The following WRN variants were observed in gnomAD, a reference collection of about 807,000 sequenced individuals.
The protein encoded by WRN is bifunctional 3'-5' exonuclease/ATP-dependent helicase WRN.
A neutral mutation model predicts 180.7 loss-of-function variants in WRN; 149 were observed. The ratio of observed to expected loss-of-function variants is 0.82; its 90% CI spans 0.72 to 0.94. The LOEUF is 0.94. Ranked by LOEUF, WRN falls within the 40% of genes least tolerant of loss-of-function variation. The pLI is 0.00. For synonymous variants in WRN, 548 were observed against 568.9 expected (o/e 0.96, Z 0.52); for missense variants, 1,661 against 1,700.1 (o/e 0.98, Z 0.40).
intron 7 of WRN, among the ~76,000 whole-genome samples, chr8:31,069,166 G>C (rs1024678915): frequency 1.3e-5 from 2 of 152,236 alleles, no homozygotes; most frequent in Non-Finnish European, 2.9e-5. Flanking sequence ...TTGTTAAGAT[G>C]TTAATTAAAT....
At position 31,141,715 on chromosome 8, in the gene WRN, C is replaced by T. The variant is rs147294573; in HGVS notation, c.3173C>T (p.Ser1058Phe). 2.5e-6 allele frequency: 4 copies of T among 1,614,160 alleles called. No homozygotes were observed. Among genetic ancestry groups the T allele is most frequent in the South Asian group, 2.2e-5 (2 of 91,082 alleles). Residue 1058 changes from serine (S) to phenylalanine (F), a missense_variant, in exon 26 of 35, where the codon TCT becomes TTT. Physicochemically the swap from Ser to Phe is radical, Grantham distance 155. Around this residue, in one of 3 missense-constraint regions of WRN, gnomAD observed 1,141 missense variants for 1,149.4 expected, o/e 0.99. Coordinates refer to ENST00000298139, the MANE Select transcript of WRN (RefSeq NM_000553.6). The part of the protein sequence containing the change: ...RNWLHKANTE[S>F]QSLILQANEE... The stretch of plus-strand genomic sequence containing the variant: ...TGGCTTCATAAAGCTAATACAGAAT[C>T]TCAGAGCCTCATCCTTCAAGCTAAT...
chr8:31,077,730 A>G (rs935876838), intron 8 of WRN, among the ~76,000 whole-genome samples: 1 of 152,232 alleles, frequency 6.6e-6, no homozygotes, highest in African/African-American at 2.4e-5. Flanking sequence ...TTGCTTCATA[A>G]TATCTGTTGA....
chr8:31,070,899 A>C (rs2130069108), intron 7 of WRN, among the ~76,000 whole-genome samples: 1 of 152,220 alleles, frequency 6.6e-6, no homozygotes, highest in East Asian at 1.9e-4. Context: ...ACAAAAAATT[A>C]GCTGAGTGTG....
chr8:31,124,210 T>C (rs904785786), intron 21 of WRN, among the ~76,000 whole-genome samples: 5 of 152,196 alleles, frequency 3.3e-5, no homozygotes, highest in South Asian at 4.1e-4. Context: ...GTGTGACATG[T>C]AAATTGAAAT....
chr8:31,109,140 C>T (rs964644059), intron 18 of WRN, among the ~76,000 whole-genome samples: 1 of 152,182 alleles, frequency 6.6e-6, no homozygotes, highest in Non-Finnish European at 1.5e-5. Flanking sequence ...GTAGTGTGGT[C>T]TATTCCCAGA....
Position 31,091,913 on chromosome 8 carries a change from T to TC in WRN, c.1898+18dup. On this transcript the variant is annotated intron_variant, in intron 16 of 34. Transcript: ENST00000298139. ...GATATTAAATTGTGAGTAATTTTTT[T>TC]CCCTCAACTTTTATTTTGGATTTAT... The TC allele has an allele frequency of 1.2e-6, 2 of 1,612,022 alleles. No individual in the cohort carries two copies. Among genetic ancestry groups the TC allele is most frequent in the Non-Finnish European group, 1.7e-6 (2 of 1,178,546 alleles).
At chr8:31,109,791 C>T (rs893092771) in intron 18 of WRN, among the ~76,000 whole-genome samples, 1 of 152,124 alleles carries the variant, frequency 6.6e-6, no homozygotes. Context: ...AGCTCAAAAT[C>T]TCACATCTAG....
chr8:31,130,791 A>G (rs1166110851), intron 23 of WRN, among the ~76,000 whole-genome samples: 3 of 152,260 alleles, frequency 2.0e-5, no homozygotes, highest in Admixed American at 6.5e-5. Flanking sequence ...TGGTTTTACA[A>G]TGATAAATGA....
intron 24 of WRN, among the ~76,000 whole-genome samples, chr8:31,137,215 A>G (rs1259145910): frequency 6.6e-6 from 1 of 152,146 alleles, no homozygotes. Context: ...AATTTATTCA[A>G]ATAGTACACA....
chr8:31,044,342 C>CTTTTTTTTTT (rs34518426), intron 1 of WRN, among the ~76,000 whole-genome samples: 2 of 68,314 alleles, frequency 2.9e-5, no homozygotes, highest in African/African-American at 5.4e-5. Context: ...GCCCGACCTT[C>CTTTTTTTTTT]TTTTTTTTTT....
At chr8:31,084,068 G>A (rs1813427454) in intron 10 of WRN, among the ~76,000 whole-genome samples, 2 of 151,924 alleles carry the variant, frequency 1.3e-5, no homozygotes, top group African/African-American at 4.8e-5. Context: ...GCTCCATCTC[G>A]GCTCACTGCA....
At chr8:31,067,593 A>G (rs561728196) in intron 6 of WRN, among the ~76,000 whole-genome samples, 1 of 152,320 alleles carries the variant, frequency 6.6e-6, no homozygotes, top group Non-Finnish European at 1.5e-5. Context: ...TATTTCTTAT[A>G]TATAAAATGT....
intron 28 of WRN, among the ~76,000 whole-genome samples, chr8:31,144,339 G>GTTTTT (rs35613465): frequency 1.4e-5 from 2 of 144,406 alleles, no homozygotes; most frequent in Non-Finnish European, 3.0e-5. Context: ...CTCTAAGTGT[G>GTTTTT]TTTTTTTTTT....
chr8:31,132,394 CAG>C lies in WRN; in HGVS notation c.2858_2859del (p.Glu953GlyfsTer12). ...GATCATTGCTATTCCATGGATGACT[CAG>C]AGGATACATCCTGGGACTTTGGTCC... On this transcript the variant is annotated frameshift_variant, in exon 24 of 35. Coordinates refer to ENST00000298139, the MANE Select transcript of WRN (RefSeq NM_000553.6). LOFTEE classifies it high-confidence loss of function. 1 of 1,614,060 alleles carries C rather than the reference CAG, an allele frequency of 6.2e-7. No individual in the cohort carries two copies. The highest frequency in any genetic ancestry group is 8.5e-7 in the Non-Finnish European group (1 of 1,180,006).
chr8:31,157,301 A>C, intron 32 of WRN, 67 bp from the exon 33 acceptor site: 1 of 1,602,052 alleles, frequency 6.2e-7, no homozygotes, highest in Non-Finnish European at 8.5e-7. Context: ...TGTTTTGGAC[A>C]TTTTATTTCC....
intron 2 of WRN, 145 bp downstream of exon 2, chr8:31,058,688 A>G: frequency 3.8e-6 from 3 of 783,702 alleles, no homozygotes; most frequent in Non-Finnish European, 4.2e-6. Flanking sequence ...TAGTTGTTGA[A>G]AGGGTAAACT....
rs1814199248 is a variant in WRN, at chr8:31,100,901, T to A, written c.2034T>A (p.His678Gln). Reference sequence around the variant, plus strand: ...CTCACTGTATTTCTGAGTGGGGGCATGATTTTAGGGATTCATTCAGGAAGT... The same window carrying A: ...CTCACTGTATTTCTGAGTGGGGGCAAGATTTTAGGGATTCATTCAGGAAGT... ...DEAHCISEWG[H>Q]DFRDSFRKLG... The change falls in exon 18 of 35, where the codon CAT becomes CAA. Residue 678 changes from histidine (H) to glutamine (Q), a missense_variant. His to Gln is a conservative substitution (Grantham distance 24). This residue lies in a region of WRN where 1,141 missense variants were observed against 1,149.4 expected (regional missense o/e 0.99). Transcript: ENST00000298139. The A allele has an allele frequency of 1.2e-6, 2 of 1,613,968 alleles. No individual in the cohort carries two copies. Among genetic ancestry groups the A allele is most frequent in the Non-Finnish European group, 1.7e-6 (2 of 1,180,008 alleles).
chr8:31,117,308 T>C (rs1249054209), intron 20 of WRN, among the ~76,000 whole-genome samples: 2 of 151,330 alleles, frequency 1.3e-5, no homozygotes, highest in Non-Finnish European at 2.9e-5. Context: ...TGCCGCAGAA[T>C]CATTTGAAAA....
At chr8:31,040,862 G>C (rs535188960) in intron 1 of WRN, among the ~76,000 whole-genome samples, 2 of 152,164 alleles carry the variant, frequency 1.3e-5, no homozygotes, top group Admixed American at 6.5e-5. Context: ...AAAAAATTGC[G>C]TATATGTTGA....
Sources: gnomAD v4.1 joint callset for allele counts (sites outside exome capture counted in the v4.1 genomes callset) on GRCh38, gnomAD v4.1.1 for gene constraint, gnomAD v4.1.1 regional missense constraint, MANE v1.5 for transcripts, NCBI Gene and HGNC (gene_info 2026-07-23, HGNC 2026-07-21) for gene names.